MARCHF1: variants seen among roughly 807,000 people sequenced by gnomAD.
The protein encoded by MARCHF1 is membrane associated ring-CH-type finger 1.
MARCHF1 carries 40 observed loss-of-function variants against 54.2 expected under a neutral mutation model. The observed-to-expected ratio is 0.74, with a 90% CI of 0.57 to 0.96. MARCHF1 has a LOEUF of 0.96. MARCHF1 is among the 40% of genes least tolerant of loss of function. The pLI is 0.00. For missense variants in MARCHF1, 586 were observed against 656.5 expected (o/e 0.89, Z 1.17); for synonymous variants, 236 against 236.3 (o/e 1.00, Z 0.01).
chr4:163,660,066 G>T (rs923179986), intron 5 of MARCHF1, among the ~76,000 whole-genome samples: 1 of 151,966 alleles, frequency 6.6e-6, no homozygotes, highest in Admixed American at 6.6e-5. Flanking sequence ...TATACCCAAA[G>T]AATTATAAAT....
At position 163,997,935 on chromosome 4, in the gene MARCHF1, C is replaced by CAA. The variant is rs201640246; in HGVS notation, c.-247-9227_-247-9226insTT. Among the ~76,000 whole-genome samples the CAA allele has an allele frequency of 4.8e-3, 705 of 146,762 alleles. 3 individuals carry two copies. Among genetic ancestry groups the CAA allele is most frequent in the Middle Eastern group, 0.014 (4 of 288 alleles). On this transcript the variant is annotated intron_variant, in intron 2 of 9. Transcript: ENST00000514618. ...AGTAATTGCCTTAAATACACACACA[C>CAA]ACACACACACACACACACACACGTA...
At chr4:164,001,129 C>T (rs1183837604) in intron 2 of MARCHF1, among the ~76,000 whole-genome samples, 1 of 151,780 alleles carries the variant, frequency 6.6e-6, no homozygotes, top group East Asian at 1.9e-4. Context: ...GTCTACTTTT[C>T]CTTTTTAAGA....
At chr4:164,266,854 G>T (rs902056105) in intron 1 of MARCHF1, among the ~76,000 whole-genome samples, 3 of 152,150 alleles carry the variant, frequency 2.0e-5, no homozygotes, top group Admixed American at 6.6e-5. Context: ...TTTAGAAAAT[G>T]ACAAATTCTT....
At chr4:164,140,665 C>T (rs1185452508) in intron 1 of MARCHF1, among the ~76,000 whole-genome samples, 1 of 152,130 alleles carries the variant, frequency 6.6e-6, no homozygotes, top group Non-Finnish European at 1.5e-5. Flanking sequence ...AGTCTTCTTC[C>T]TTGGCAATAC....
intron 1 of MARCHF1, among the ~76,000 whole-genome samples, chr4:164,185,712 T>C (rs980823005): frequency 6.6e-6 from 1 of 151,916 alleles, no homozygotes; most frequent in Non-Finnish European, 1.5e-5. Flanking sequence ...ATATGATCTA[T>C]ACAAAATAAA....
intron 2 of MARCHF1, among the ~76,000 whole-genome samples, chr4:164,029,209 C>T (rs181771839): frequency 1.7e-3 from 265 of 152,190 alleles, no homozygotes; most frequent in Middle Eastern, 3.4e-3. Flanking sequence ...GCCCACAGTT[C>T]CACAGGCTAT....
chr4:163,876,255 G>A (rs17474536), intron 3 of MARCHF1, among the ~76,000 whole-genome samples: 30,866 of 152,032 alleles, frequency 0.2, 3,514 homozygotes, highest in South Asian at 0.3. Context: ...CTATGTCTAA[G>A]ATACAACTTT....
intron 2 of MARCHF1, among the ~76,000 whole-genome samples, chr4:164,082,083 A>G (rs115401504): frequency 0.012 from 1,889 of 152,240 alleles, 32 homozygotes; most frequent in African/African-American, 0.043. Context: ...AATTGCAAAA[A>G]CAGCCAGCCC....
rs532932890 is a variant in MARCHF1, at chr4:163,946,206, G to A, written c.-39+42295C>T. Among the ~76,000 whole-genome samples, 18 of 152,130 alleles carry A rather than the reference G, an allele frequency of 1.2e-4. No individual in the cohort carries two copies. The South Asian group carries it at 1.7e-3, about 14-fold the overall frequency. On this transcript the variant is annotated intron_variant, in intron 3 of 9. Coordinates refer to ENST00000514618, the MANE Select transcript of MARCHF1 (RefSeq NM_001394959.1). The stretch of plus-strand genomic sequence containing the variant: ...ATCTCCACCATTTCCTCTCAACGTC[G>A]CAAATATATTTTCTACTATGTGCCT...
At chr4:163,689,496 T>A (rs988896248) in intron 5 of MARCHF1, among the ~76,000 whole-genome samples, 4 of 152,212 alleles carry the variant, frequency 2.6e-5, no homozygotes, top group African/African-American at 4.8e-5. Context: ...ACTGTTGAAA[T>A]GTGGCCAGCA....
intron 1 of MARCHF1, chr4:164,188,978 G>T: frequency 1.4e-6 from 1 of 722,058 alleles, no homozygotes; most frequent in South Asian, 1.5e-5. Flanking sequence ...GATCATTAAC[G>T]AGCCTATGGC....
intron 4 of MARCHF1, among the ~76,000 whole-genome samples, chr4:163,750,148 A>G (rs1173219859): frequency 6.6e-6 from 1 of 152,064 alleles, no homozygotes; most frequent in Non-Finnish European, 1.5e-5. Flanking sequence ...GAATGGTCTC[A>G]GCCTATTCTG....
At chr4:164,369,487 A>G (rs1345415366) in intron 1 of MARCHF1, among the ~76,000 whole-genome samples, 1 of 152,172 alleles carries the variant, frequency 6.6e-6, no homozygotes, top group South Asian at 2.1e-4. Context: ...ATTTTCTTAT[A>G]CAGAATATGA....
At chr4:164,226,694 T>A (rs1356090544) in intron 1 of MARCHF1, among the ~76,000 whole-genome samples, 1 of 152,032 alleles carries the variant, frequency 6.6e-6, no homozygotes, top group Non-Finnish European at 1.5e-5. Context: ...ATATAAAACT[T>A]TGTACTAAAT....
intron 3 of MARCHF1, among the ~76,000 whole-genome samples, chr4:163,941,924 A>G (rs1367740926): frequency 6.6e-6 from 1 of 152,060 alleles, no homozygotes; most frequent in African/African-American, 2.4e-5. Flanking sequence ...AAATAATCCT[A>G]CTTCTTTCCA....
intron 7 of MARCHF1, among the ~76,000 whole-genome samples, chr4:163,609,191 A>G (rs1411021060): frequency 6.6e-6 from 1 of 152,100 alleles, no homozygotes; most frequent in Non-Finnish European, 1.5e-5. Context: ...CTGCAGTTCA[A>G]TAATATGTCT....
chr4:164,114,677 C>A (rs1308017765), intron 1 of MARCHF1, among the ~76,000 whole-genome samples: 7 of 150,924 alleles, frequency 4.6e-5, no homozygotes, highest in Non-Finnish European at 1.0e-4. Context: ...CAGAAGATAA[C>A]TATTGAAACA....
chr4:164,324,545 A>G (rs1345112513), intron 1 of MARCHF1, among the ~76,000 whole-genome samples: 1 of 151,528 alleles, frequency 6.6e-6, no homozygotes, highest in Non-Finnish European at 1.5e-5. Flanking sequence ...AAATCTCTAT[A>G]CTCAATGTAA....
At chr4:163,747,856 G>A (rs1407366132) in intron 4 of MARCHF1, among the ~76,000 whole-genome samples, 2 of 152,256 alleles carry the variant, frequency 1.3e-5, no homozygotes, top group African/African-American at 2.4e-5. Flanking sequence ...CCTGGCCAAC[G>A]GATGAAATGA....
Sources: gnomAD v4.1 joint callset for allele counts (sites outside exome capture counted in the v4.1 genomes callset) on GRCh38, gnomAD v4.1.1 for gene constraint, MANE v1.5 for transcripts, NCBI Gene and HGNC (gene_info 2026-07-23, HGNC 2026-07-21) for gene names.